Variants in PGBD5 observed in about 807,000 individuals in gnomAD.
PGBD5 encodes the protein piggyBac transposable element-derived protein 5.
PGBD5 carries 14 observed loss-of-function variants against 47.9 expected under a neutral mutation model. That is an observed-to-expected ratio of 0.29 (90% CI 0.19 to 0.46). PGBD5 has a LOEUF of 0.46. PGBD5 is among the 20% of genes least tolerant of loss of function. PGBD5 has a pLI of 1.00. For missense variants in PGBD5, 635 were observed against 716.0 expected (o/e 0.89, Z 1.29); for synonymous variants, 316 against 306.3 (o/e 1.03, Z -0.33).
At chr1:230,342,929 A>G (rs956719566) in intron 3 of PGBD5, among the ~76,000 whole-genome samples, 13 of 152,220 alleles carry the variant, frequency 8.5e-5, no homozygotes, top group Admixed American at 1.3e-4. Context: ...CAAATAGTCA[A>G]CAGTCACATG....
chr1:230,355,188 A>G (rs557010576), intron 2 of PGBD5, among the ~76,000 whole-genome samples: 16 of 152,214 alleles, frequency 1.1e-4, no homozygotes, highest in Non-Finnish European at 1.8e-4. Flanking sequence ...ACACCTGCCT[A>G]CTTGCCCACC....
chr1:230,420,258 G>A (rs1375180497), intron 1 of PGBD5, among the ~76,000 whole-genome samples: 2 of 152,176 alleles, frequency 1.3e-5, no homozygotes, highest in Non-Finnish European at 2.9e-5. Flanking sequence ...GAGTATTATA[G>A]ATTCAGTGAA....
intron 1 of PGBD5, among the ~76,000 whole-genome samples, chr1:230,365,976 C>A (rs1235903354): frequency 2.6e-5 from 4 of 152,212 alleles, no homozygotes; most frequent in African/African-American, 9.7e-5. Context: ...AAACATTGTG[C>A]CTAGCACAGG....
chr1:230,387,917 G>A (rs560485690), intron 1 of PGBD5, among the ~76,000 whole-genome samples: 2 of 152,154 alleles, frequency 1.3e-5, no homozygotes, highest in Admixed American at 6.5e-5. Context: ...GGGAAGTTAC[G>A]TGGAGGGATG....
In PGBD5 at chr1:230,323,244, CA is replaced by C. The variant is rs1667064516; in HGVS notation, c.*180del. ...GGGAGGACATGCTCTTCTTGGAATG[CA>C]AATGAGGACAGCAACCGTCCTCTGA... On this transcript the variant is annotated 3_prime_UTR_variant, in exon 7 of 7. Coordinates refer to ENST00000391860, the MANE Select transcript of PGBD5 (RefSeq NM_001258311.2). This position sits in a 1 kb window ranked among gnomAD's most constrained non-coding sequence, Gnocchi z 4.1. 3 of 639,790 alleles carry C rather than the reference CA, an allele frequency of 4.7e-6. No homozygotes were observed. Among genetic ancestry groups the C allele is most frequent in the Non-Finnish European group, 7.8e-6 (3 of 382,720 alleles). 39.6% of individuals were successfully genotyped at this position (639,790 alleles called of 1,614,324 possible).
At chr1:230,395,534 C>A (rs1255455974) in intron 1 of PGBD5, among the ~76,000 whole-genome samples, 1 of 16,796 alleles carries the variant, frequency 6.0e-5, no homozygotes, top group Non-Finnish European at 1.3e-4. Context: ...CATTCCCACC[C>A]TCCTCCCCTC....
In PGBD5 at chr1:230,321,268, G is replaced by A. The variant is rs1667027716; in HGVS notation, c.*2157C>T. ...TCAGTGGTTTGAGACACCAAGAACA[G>A]TTAATATCATACACACCAGATTATA... On this transcript the variant is annotated 3_prime_UTR_variant, in exon 7 of 7. Transcript: ENST00000391860. The A allele has an allele frequency of 6.6e-6, 1 of 152,132 alleles. No homozygotes were observed. Among genetic ancestry groups the A allele is most frequent in the African/African-American group, 2.4e-5 (1 of 41,424 alleles). 9.4% of individuals were successfully genotyped at this position (152,132 alleles called of 1,614,324 possible).
chr1:230,367,068 C>G (rs1667846391), intron 1 of PGBD5, among the ~76,000 whole-genome samples: 1 of 152,090 alleles, frequency 6.6e-6, no homozygotes, highest in Admixed American at 6.5e-5. Flanking sequence ...ATGGGAGGGA[C>G]CACCCAGGTA....
chr1:230,344,258 C>T (rs1004100406), intron 3 of PGBD5, among the ~76,000 whole-genome samples: 5 of 151,890 alleles, frequency 3.3e-5, no homozygotes, highest in African/African-American at 1.2e-4. Context: ...ACACTCCAGC[C>T]TGGGCAACAG....
At chr1:230,407,439 A>T (rs1406851037) in intron 1 of PGBD5, among the ~76,000 whole-genome samples, 1 of 152,238 alleles carries the variant, frequency 6.6e-6, no homozygotes, top group African/African-American at 2.4e-5. Context: ...TGTTCCCTGA[A>T]TTAATGTGCT....
intron 1 of PGBD5, among the ~76,000 whole-genome samples, chr1:230,416,470 A>C (rs1405482343): frequency 6.6e-6 from 1 of 152,240 alleles, no homozygotes. Context: ...CAGAATGTCC[A>C]AGGTCTCCAC....
rs934609182 is a variant in PGBD5, at chr1:230,337,416, A to G, written c.895-128T>C. The G allele has an allele frequency of 8.3e-6, 8 of 965,168 alleles. No homozygotes were observed. The East Asian group carries it at 1.1e-4, about 13-fold the overall frequency. 59.8% of individuals were successfully genotyped at this position (965,168 alleles called of 1,614,324 possible). On this transcript the variant is annotated intron_variant, in intron 3 of 6. Coordinates refer to ENST00000391860, the MANE Select transcript of PGBD5 (RefSeq NM_001258311.2). ...GGGAGCCCATGGAAAAGCCCCCATC[A>G]TCTTTTCAGCTCACAGGGACTCTAG...
intron 1 of PGBD5, among the ~76,000 whole-genome samples, chr1:230,422,454 T>C (rs893425965): frequency 6.6e-6 from 1 of 152,130 alleles, no homozygotes; most frequent in African/African-American, 2.4e-5. Context: ...GGGGGATATA[T>C]GCTGCAAGTC....
rs148962165 is a variant in PGBD5, at chr1:230,424,612, A to G, written c.331+986T>C. Among the ~76,000 whole-genome samples, 16 of 152,332 alleles carry G rather than the reference A, an allele frequency of 1.1e-4. No homozygotes were observed. The East Asian group carries it at 2.9e-3, about 28-fold the overall frequency. ...TTGAACAATAATCAGAGAAGGCCACAGGAAAAGCCGCATCATGCCCACCGC... is the reference window on the plus strand; with the variant it reads ...TTGAACAATAATCAGAGAAGGCCACGGGAAAAGCCGCATCATGCCCACCGC... On this transcript the variant is annotated intron_variant, in intron 1 of 6. Transcript: ENST00000391860.
intron 2 of PGBD5, among the ~76,000 whole-genome samples, chr1:230,354,050 C>T (rs1383621167): frequency 6.6e-6 from 1 of 152,234 alleles, no homozygotes; most frequent in East Asian, 1.9e-4. Flanking sequence ...AAGCCCGGGG[C>T]ATCCTCAGCA....
At position 230,320,843 on chromosome 1, in the gene PGBD5, G is replaced by A. The variant is rs1667022256; in HGVS notation, c.*2582C>T. 6.6e-6 allele frequency: 1 copy of A among 152,174 alleles called. No individual in the cohort carries two copies. The highest frequency in any genetic ancestry group is 2.4e-5 in the African/African-American group (1 of 41,420). The allele number at this position is 152,174 out of a possible 1,614,324, so 9.4% of individuals were successfully genotyped here. On this transcript the variant is annotated 3_prime_UTR_variant, in exon 7 of 7. Coordinates refer to ENST00000391860, the MANE Select transcript of PGBD5 (RefSeq NM_001258311.2). ...TACATGCTATTCTGTCCTTCTGGAT[G>A]GAGAAGAGAAACTCTTCTCAGTCAA...
chr1:230,315,940 AT>A lies in PGBD5; in HGVS notation c.*7484del, dbSNP rs1666932835. ...TGTGTATATGTGTACACATATATGT[AT>A]GTGTATACATACATAAGTATATGTG... On this transcript the variant is annotated 3_prime_UTR_variant, in exon 7 of 7. Transcript: ENST00000391860. 1 of 122,138 alleles carries A rather than the reference AT, an allele frequency of 8.2e-6. No homozygotes were observed. Among genetic ancestry groups the A allele is most frequent in the East Asian group, 2.4e-4 (1 of 4,250 alleles). The allele number at this position is 122,138 out of a possible 1,614,324, so 7.6% of individuals were successfully genotyped here. A position where few individuals can be genotyped will look rare whatever the true frequency, so the allele number is the denominator to read the frequency against.
chr1:230,356,136 C>G (rs148638897), intron 2 of PGBD5, among the ~76,000 whole-genome samples: 1 of 152,152 alleles, frequency 6.6e-6, no homozygotes, highest in African/African-American at 2.4e-5. Context: ...GAATGGGGCT[C>G]ACATGGACCA....
At chr1:230,334,878 C>T (rs995730994) in intron 4 of PGBD5, among the ~76,000 whole-genome samples, 1 of 152,182 alleles carries the variant, frequency 6.6e-6, no homozygotes, top group African/African-American at 2.4e-5. Context: ...TCCCATCCTC[C>T]TAATTCTCTG....
Sources: gnomAD v4.1 joint callset for allele counts (sites outside exome capture counted in the v4.1 genomes callset) on GRCh38, gnomAD v4.1.1 for gene constraint, Gnocchi (gnomAD v3.1) non-coding constraint, MANE v1.5 for transcripts, NCBI Gene and HGNC (gene_info 2026-07-23, HGNC 2026-07-21) for gene names.